The following ASB3 variants were observed in gnomAD, a reference collection of about 807,000 sequenced individuals.
ASB3 encodes the protein ankyrin repeat and SOCS box containing 3, also known as ankyrin repeat and SOCS box protein 3.
ASB3 carries 41 observed loss-of-function variants against 54.5 expected under a neutral mutation model. The ratio of observed to expected loss-of-function variants is 0.75; its 90% CI spans 0.59 to 0.98. ASB3 has a LOEUF of 0.98. ASB3 is among the 50% of genes least tolerant of loss of function. The pLI is 0.00. For synonymous variants in ASB3, 266 were observed against 221.2 expected, an observed-to-expected ratio of 1.20 and a Z score of -1.80; for missense variants, 733 against 620.0, an observed-to-expected ratio of 1.18 and a Z score of -1.94.
At chr2:53,742,582 T>G (rs746174385) in intron 3 of ASB3, among the ~76,000 whole-genome samples, 10 of 151,868 alleles carry the variant, frequency 6.6e-5, no homozygotes, top group Non-Finnish European at 1.3e-4. Flanking sequence ...GAAATACAAG[T>G]GCTCAGTAAA....
At chr2:53,730,645 A>C (rs545727024) in intron 3 of ASB3, among the ~76,000 whole-genome samples, 1 of 152,284 alleles carries the variant, frequency 6.6e-6, no homozygotes, top group East Asian at 1.9e-4. Context: ...TGGTTGAATT[A>C]ATGTACACTC....
intron 3 of ASB3, among the ~76,000 whole-genome samples, chr2:53,734,739 A>G (rs1471472241): frequency 1.3e-5 from 2 of 151,934 alleles, no homozygotes; most frequent in Non-Finnish European, 2.9e-5. Flanking sequence ...AATTCCCCAT[A>G]TTTCTCTAAC....
At chr2:53,754,907 T>G (rs1672729689) in intron 2 of ASB3, among the ~76,000 whole-genome samples, 1 of 152,252 alleles carries the variant, frequency 6.6e-6, no homozygotes, top group Admixed American at 6.5e-5. Flanking sequence ...TTCCTTAAAC[T>G]GATACATGAG....
At chr2:53,707,401 G>A (rs2103799163) in intron 7 of ASB3, among the ~76,000 whole-genome samples, 1 of 152,258 alleles carries the variant, frequency 6.6e-6, no homozygotes, top group Middle Eastern at 3.4e-3. Flanking sequence ...CAGCACTTTT[G>A]GGAGGCTGAG....
chr2:53,729,342 G>A (rs1185680120), intron 4 of ASB3, 116 bp downstream of exon 4: 3 of 952,992 alleles, frequency 3.1e-6, no homozygotes, highest in Non-Finnish European at 4.8e-6. Flanking sequence ...TTTCTGTACT[G>A]CACTAACCAT....
At chr2:53,723,591 T>G (rs1370518687) in intron 5 of ASB3, among the ~76,000 whole-genome samples, 1 of 152,116 alleles carries the variant, frequency 6.6e-6, no homozygotes, top group Non-Finnish European at 1.5e-5. Flanking sequence ...ATTTCTTAAA[T>G]TCATATGGAA....
intron 9 of ASB3, among the ~76,000 whole-genome samples, chr2:53,691,374 T>C (rs563666132): frequency 6.6e-6 from 1 of 152,114 alleles, no homozygotes; most frequent in Non-Finnish European, 1.5e-5. Flanking sequence ...GAATACTGAG[T>C]GGAGCTAGGA....
In ASB3 at chr2:53,696,713, A is replaced by G. The variant is rs1669199922; in HGVS notation, c.1239-2699T>C. On this transcript the variant is annotated intron_variant, in intron 8 of 9. Transcript: ENST00000263634. ...TGAGAATACTAACAACAATAATGAA[A>G]AATAACAATACAACAATAAAAAATA... 3.3e-5 allele frequency among the ~76,000 whole-genome samples: 5 copies of G among 152,194 alleles called. 1 individual carries two copies. Among genetic ancestry groups the G allele is most frequent in the Non-Finnish European group, 7.3e-5 (5 of 68,030 alleles).
intron 7 of ASB3, among the ~76,000 whole-genome samples, chr2:53,712,016 C>T (rs1670127422): frequency 6.6e-6 from 1 of 152,124 alleles, no homozygotes; most frequent in East Asian, 1.9e-4. Flanking sequence ...AAAAATTCTA[C>T]AGAGTAACTG....
chr2:53,773,871 CT>C (rs1674134017), intron 1 of ASB3, among the ~76,000 whole-genome samples: 1 of 151,848 alleles, frequency 6.6e-6, no homozygotes, highest in South Asian at 2.1e-4. Context: ...CCCTTCTCTA[CT>C]AAAAATACAA....
In ASB3 at chr2:53,720,963, A is replaced by G. The variant is rs144440624; in HGVS notation, c.605-4220T>C. On this transcript the variant is annotated intron_variant, in intron 5 of 9. Transcript: ENST00000263634. The stretch of plus-strand genomic sequence containing the variant: ...GAAACCCCATCTCTACTAAAAATAC[A>G]AAAAAATTAGCTGGCCACAGGGGTG... Among the ~76,000 whole-genome samples, 269 of 151,808 alleles carry G rather than the reference A, an allele frequency of 1.8e-3. 1 individual carries two copies. Among genetic ancestry groups the G allele is most frequent in the African/African-American group, 6.0e-3 (250 of 41,372 alleles).
intron 3 of ASB3, among the ~76,000 whole-genome samples, chr2:53,734,271 TTC>T (rs377739685): frequency 2.6e-5 from 4 of 152,314 alleles, no homozygotes; most frequent in African/African-American, 9.6e-5. Flanking sequence ...CTCCAGTTTT[TTC>T]TCATCATTCC....
At chr2:53,768,983 C>G (rs959927716) in intron 1 of ASB3, among the ~76,000 whole-genome samples, 4 of 152,182 alleles carry the variant, frequency 2.6e-5, no homozygotes, top group African/African-American at 9.7e-5. Context: ...CGAAAAGAAC[C>G]TGAATTAGAA....
At chr2:53,767,632 C>T in intron 1 of ASB3, 1 of 486,508 alleles carries the variant, frequency 2.1e-6, no homozygotes, top group South Asian at 2.5e-5. Context: ...TTTACGGATG[C>T]TGCAAAAGAA....
At chr2:53,705,337 T>C (rs577784757) in intron 7 of ASB3, among the ~76,000 whole-genome samples, 1 of 152,338 alleles carries the variant, frequency 6.6e-6, no homozygotes, top group East Asian at 1.9e-4. Flanking sequence ...ATTGTAATTA[T>C]GCTCACATGG....
intron 2 of ASB3, among the ~76,000 whole-genome samples, chr2:53,759,702 G>C (rs1673034741): frequency 6.6e-6 from 1 of 152,138 alleles, no homozygotes; most frequent in Non-Finnish European, 1.5e-5. Context: ...TGGTTTACAA[G>C]GACACTTTAA....
At chr2:53,771,936 T>G (rs1490018187) in intron 1 of ASB3, 1 of 1,549,866 alleles carries the variant, frequency 6.5e-7, no homozygotes, top group Admixed American at 1.9e-5. Context: ...TTGTTGAAGA[T>G]CCTGCGGTAT....
At chr2:53,670,832 C>T (rs1572810519) in intron 9 of ASB3, 142 bp from the exon 10 acceptor site, 1 of 938,524 alleles carries the variant, frequency 1.1e-6, no homozygotes, top group East Asian at 2.7e-5. Context: ...GTCAGTATGA[C>T]CACAATAAAC....
chr2:53,732,550 A>G (rs1020792407), intron 3 of ASB3, among the ~76,000 whole-genome samples: 5 of 152,226 alleles, frequency 3.3e-5, no homozygotes, highest in African/African-American at 1.2e-4. Context: ...CTGACCTTAT[A>G]AAAATTAAAG....
Sources: gnomAD v4.1 joint callset for allele counts (sites outside exome capture counted in the v4.1 genomes callset) on GRCh38, gnomAD v4.1.1 for gene constraint, MANE v1.5 for transcripts, NCBI Gene and HGNC (gene_info 2026-07-23, HGNC 2026-07-21) for gene names.